The following RFC5 variants were observed in gnomAD, a reference collection of about 807,000 sequenced individuals.
RFC5 encodes the protein A1 36 kDa subunit.
In RFC5, 26 loss-of-function variants were observed where a neutral mutation model predicts 44.3. The ratio of observed to expected loss-of-function variants is 0.59; its 90% CI spans 0.43 to 0.81. The LOEUF is 0.81. RFC5 is among the 40% of genes least tolerant of loss of function. The pLI is 0.00. For missense variants in RFC5, 328 were observed against 418.6 expected, an observed-to-expected ratio of 0.78 and a Z score of 1.89; for synonymous variants, 155 against 155.2, an observed-to-expected ratio of 1.00 and a Z score of 0.01.
intron 9 of RFC5, among the ~76,000 whole-genome samples, chr12:118,029,142 C>T (rs1431294096): frequency 6.6e-6 from 1 of 152,184 alleles, no homozygotes; most frequent in African/African-American, 2.4e-5. Flanking sequence ...GGGACAGGAT[C>T]GGTATAGTGG....
chr12:118,023,440 GTGA>G (rs1566124096), intron 5 of RFC5, among the ~76,000 whole-genome samples: 1 of 82,398 alleles, frequency 1.2e-5, no homozygotes, highest in Non-Finnish European at 2.4e-5. Flanking sequence ...AGAGGAGGGG[GTGA>G]GGAGGAGGAG....
chr12:118,026,885 A>C lies in RFC5; in HGVS notation c.664-4A>C, dbSNP rs1332715005. 1 of 1,613,826 alleles carries C rather than the reference A, an allele frequency of 6.2e-7. No individual in the cohort carries two copies. Among genetic ancestry groups the C allele is most frequent in the East Asian group, 2.2e-5 (1 of 44,854 alleles). On this transcript the variant is annotated splice_polypyrimidine_tract_variant and splice_region_variant and intron_variant, in intron 7 of 10. Coordinates refer to ENST00000454402, the MANE Select transcript of RFC5 (RefSeq NM_007370.7). ...ATCTCCCCTTTCCCCCTCTGTCTAC[A>C]CAGAGCACCAATATGGCCTTTGGGA...
downstream of RFC5, among the ~76,000 whole-genome samples, chr12:118,037,678 A>AAAAAAG (rs1555267591): frequency 1.8e-3 from 279 of 151,444 alleles, no homozygotes; most frequent in East Asian, 7.0e-3. Flanking sequence ...AAAAAAAAAA[A>AAAAAAG]AAAAGAAAAG....
At chr12:118,026,315 G>A (rs1593448540) in intron 7 of RFC5, among the ~76,000 whole-genome samples, 1 of 152,108 alleles carries the variant, frequency 6.6e-6, no homozygotes, top group East Asian at 1.9e-4. Context: ...AAAATCACTT[G>A]TTGCAGGCCA....
intron 9 of RFC5, among the ~76,000 whole-genome samples, chr12:118,028,365 A>G (rs1398406091): frequency 6.6e-6 from 1 of 151,976 alleles, no homozygotes; most frequent in Non-Finnish European, 1.5e-5. Flanking sequence ...CACGCCTGTA[A>G]TCCCAGCTAC....
chr12:118,033,937 G>A (rs962847595), downstream of RFC5: 9 of 474,060 alleles, frequency 1.9e-5, no homozygotes, highest in Admixed American at 6.7e-5. Flanking sequence ...AACACTTGCT[G>A]TTCATAACTG....
intron 4 of RFC5, 60 bp from the exon 5 acceptor site, chr12:118,022,226 G>T: frequency 7.5e-7 from 1 of 1,328,782 alleles, no homozygotes; most frequent in Non-Finnish European, 1.1e-6. Flanking sequence ...ATATAGGTTT[G>T]AGCCCAGATG....
At chr12:118,023,468 G>A (rs115846296) in intron 5 of RFC5, among the ~76,000 whole-genome samples, 2,152 of 123,750 alleles carry the variant, frequency 0.017, 150 homozygotes, top group African/African-American at 0.068. Flanking sequence ...AGGAGAAGGC[G>A]GAGGAGGAGG....
intron 4 of RFC5, 83 bp downstream of exon 4, chr12:118,021,068 C>A: frequency 1.2e-6 from 1 of 801,596 alleles, no homozygotes; most frequent in Non-Finnish European, 2.1e-6. Flanking sequence ...TCTCCTTAGC[C>A]AGTTTATATG....
chr12:118,019,759 G>T lies in RFC5; in HGVS notation c.258G>T (p.Met86Ile). The T allele has an allele frequency of 6.2e-7, 1 of 1,613,412 alleles. No individual in the cohort carries two copies. The highest frequency in any genetic ancestry group is 8.5e-7 in the Non-Finnish European group (1 of 1,179,576). ...QLYKDKEFGSMVLELNASDDR... is the reference protein window; with the variant it reads ...QLYKDKEFGSIVLELNASDDR... ...ATAAAGACAAAGAATTTGGCTCCAT[G>T]GTCTTGGAGGTAAATAAGATTGTTC... Residue 86 changes from methionine (M) to isoleucine (I), a missense_variant, in exon 3 of 11, where the codon ATG (methionine) becomes ATT (isoleucine). Transcript: ENST00000454402. The surrounding 1 kb of genome is among the most constrained non-coding windows in gnomAD (Gnocchi z 4.2).
In RFC5 at chr12:118,016,817, G is replaced by T. The variant is rs779000586; in HGVS notation, c.-11G>T. The T allele has an allele frequency of 3.1e-6, 5 of 1,609,750 alleles. No individual in the cohort carries two copies. In the Admixed American group the frequency reaches 8.4e-5, roughly 27 times the overall value. On this transcript the variant is annotated 5_prime_UTR_variant, in exon 1 of 11. Coordinates refer to ENST00000454402, the MANE Select transcript of RFC5 (RefSeq NM_007370.7). ...GATCTCAGCGGATCTGGTCACCTTCGTCTCCCCGCCATGGAGACCTCAGCA... is the reference window on the plus strand; with the variant it reads ...GATCTCAGCGGATCTGGTCACCTTCTTCTCCCCGCCATGGAGACCTCAGCA...
intron 5 of RFC5, among the ~76,000 whole-genome samples, chr12:118,023,680 T>G (rs888229951): frequency 6.6e-6 from 1 of 152,114 alleles, no homozygotes; most frequent in East Asian, 1.9e-4. Context: ...TTGTTCGGGT[T>G]ATTGCTCCCT....
Position 118,016,879 on chromosome 12 carries a change from A to G in RFC5, c.52A>G (p.Arg18Gly). The G allele has an allele frequency of 1.9e-6, 3 of 1,613,400 alleles. No homozygotes were observed. Among genetic ancestry groups the G allele is most frequent in the Non-Finnish European group, 8.5e-7 (1 of 1,179,716 alleles). ...GGAGCAGCCCGCGGCGACCAAGATCAGGAACCTGCCCTGGTAGGAGGAGGC... is the reference window on the plus strand; with the variant it reads ...GGAGCAGCCCGCGGCGACCAAGATCGGGAACCTGCCCTGGTAGGAGGAGGC... ...QQEQPAATKI[R>G]NLPWVEKYRP... is the part of the protein sequence containing the mutation. Residue 18 changes from arginine to glycine, a missense_variant, in exon 1 of 11, where the codon AGG (arginine) becomes GGG (glycine). Coordinates refer to ENST00000454402, the MANE Select transcript of RFC5 (RefSeq NM_007370.7).
chr12:118,031,114 T>G, intron 10 of RFC5, 68 bp from the exon 11 acceptor site: 1 of 1,091,858 alleles, frequency 9.2e-7, no homozygotes, highest in Non-Finnish European at 1.4e-6. Flanking sequence ...CCTAGATCTC[T>G]TGGTCCCTTA....
In RFC5 at chr12:118,022,345, A is replaced by G. The variant is rs1327979585; in HGVS notation, c.407A>G (p.Asn136Ser). The G allele has an allele frequency of 6.2e-7, 1 of 1,613,244 alleles. No individual in the cohort carries two copies. Among genetic ancestry groups the G allele is most frequent in the Non-Finnish European group, 8.5e-7 (1 of 1,179,308 alleles). ...GACGCCATGACTCAGGACGCCCAGA[A>G]TGCCTTGAGAAGAGGTAAGCAGAGG... ...EADAMTQDAQ[N>S]ALRRVIEKFT... Residue 136 changes from asparagine to serine, a missense_variant, in exon 5 of 11, where the codon AAT becomes AGT. Physicochemically the swap from Asn to Ser is conservative, Grantham distance 46. Transcript: ENST00000454402.
intron 1 of RFC5, among the ~76,000 whole-genome samples, chr12:118,018,640 C>T (rs1365839229): frequency 6.6e-6 from 1 of 151,910 alleles, no homozygotes; most frequent in African/African-American, 2.4e-5. Context: ...CTCACTCTGT[C>T]GCCCAGGCTG....
intron 9 of RFC5, 89 bp downstream of exon 9, chr12:118,028,119 T>C: frequency 1.3e-6 from 1 of 795,452 alleles, no homozygotes; most frequent in Non-Finnish European, 2.2e-6. Flanking sequence ...GCTTCATTCT[T>C]GAAGCAAAGA....
chr12:118,023,897 G>A (rs1229150529), intron 5 of RFC5, among the ~76,000 whole-genome samples: 3 of 152,124 alleles, frequency 2.0e-5, no homozygotes, highest in South Asian at 2.1e-4. Context: ...AAAATCCCAC[G>A]GAGGCATGTT....
rs767385084 is a variant in RFC5 at position 118,022,363 on chromosome 12, A to G, written c.421+4A>G. ...GCCCAGAATGCCTTGAGAAGAGGTAAGCAGAGGCACTGTGGAGCGTTTGGG... is the reference window on the plus strand; with the variant it reads ...GCCCAGAATGCCTTGAGAAGAGGTAGGCAGAGGCACTGTGGAGCGTTTGGG... On this transcript the variant is annotated splice_donor_region_variant and intron_variant, in intron 5 of 10. Transcript: ENST00000454402. 6.2e-6 allele frequency: 10 copies of G among 1,607,174 alleles called. No homozygotes were observed. Among genetic ancestry groups the G allele is most frequent in the Non-Finnish European group, 8.5e-6 (10 of 1,173,814 alleles).
Sources: gnomAD v4.1 joint callset for allele counts (sites outside exome capture counted in the v4.1 genomes callset) on GRCh38, gnomAD v4.1.1 for gene constraint, Gnocchi (gnomAD v3.1) non-coding constraint, MANE v1.5 for transcripts, NCBI Gene and HGNC (gene_info 2026-07-23, HGNC 2026-07-21) for gene names.